The following LAMA4 variants were observed in gnomAD, a reference collection of about 807,000 sequenced individuals.
LAMA4 encodes laminin subunit alpha 4.
In LAMA4, 127 loss-of-function variants were observed where a neutral mutation model predicts 207.1. That is an observed-to-expected ratio of 0.61 (90% CI 0.53 to 0.71). The LOEUF (loss-of-function observed/expected upper bound fraction) is 0.71. Among genes scored for constraint, LAMA4 ranks in the 30% least tolerant of loss-of-function variants. The probability of loss-of-function intolerance (pLI) is 0.00; values close to 1 mark genes in which losing one functional copy is unlikely to be tolerated. For synonymous variants in LAMA4, 761 were observed against 816.0 expected, an observed-to-expected ratio of 0.93 and a Z score of 1.15; for missense variants, 2,093 against 2,246.5, an observed-to-expected ratio of 0.93 and a Z score of 1.38.
chr6:112,155,063 G>A (rs1404576613), intron 15 of LAMA4, 116 bp from the exon 16 acceptor site: 5 of 771,444 alleles, frequency 6.5e-6, no homozygotes, highest in Non-Finnish European at 1.2e-5. Flanking sequence ...AATGCATTTA[G>A]CTTTATTTTC....
In LAMA4 at chr6:112,139,752, C is replaced by T. The variant is rs201939337; in HGVS notation, c.3110G>A (p.Arg1037Gln). ...MDPSTSVPCA[R>Q]DKLAFTQSRA... ...TTTAGTACTCTTAACTGTCTCTTAC[C>T]GGGCACATGGCACTGATGTGGAGGG... is the stretch of plus-strand genomic sequence containing the variant. Residue 1037 changes from arginine (R) to glutamine (Q), a missense_variant and splice_region_variant, in exon 23 of 39, where the codon CGA becomes CAA. Arg to Gln is a conservative substitution (Grantham distance 43). Coordinates refer to ENST00000230538, the MANE Select transcript of LAMA4 (RefSeq NM_001105206.3). 1.2e-4 allele frequency: 192 copies of T among 1,613,636 alleles called. 2 individuals carry two copies. Among genetic ancestry groups the T allele is most frequent in the Middle Eastern group, 1.6e-4 (1 of 6,078 alleles).
intron 2 of LAMA4, among the ~76,000 whole-genome samples, chr6:112,244,244 T>C (rs549047467): frequency 6.6e-6 from 1 of 152,326 alleles, no homozygotes; most frequent in African/African-American, 2.4e-5. Context: ...CTCTGGTCTC[T>C]GTCACTGCTC....
At chr6:112,182,848 G>A (rs781963533) in intron 9 of LAMA4, among the ~76,000 whole-genome samples, 1 of 152,134 alleles carries the variant, frequency 6.6e-6, no homozygotes, top group Admixed American at 6.5e-5. Flanking sequence ...ATCTTGGCAC[G>A]ATCTTTGGAA....
intron 2 of LAMA4, among the ~76,000 whole-genome samples, chr6:112,245,953 C>T (rs947207037): frequency 3.3e-5 from 5 of 152,006 alleles, no homozygotes; most frequent in African/African-American, 1.2e-4. Flanking sequence ...GAAATTTTCC[C>T]ATTACCATTC....
At chr6:112,213,925 A>G (rs1784485124) in intron 3 of LAMA4, 2 of 573,602 alleles carry the variant, frequency 3.5e-6, no homozygotes, top group South Asian at 2.6e-5. Flanking sequence ...AAGTCAGGCA[A>G]CCTGCAAGAA....
At chr6:112,213,084 G>A (rs563754362) in intron 3 of LAMA4, among the ~76,000 whole-genome samples, 1 of 152,280 alleles carries the variant, frequency 6.6e-6, no homozygotes, top group East Asian at 1.9e-4. Flanking sequence ...GTTCATCTGG[G>A]TGAATTAAAT....
At chr6:112,238,379 A>G (rs1244131332) in intron 2 of LAMA4, among the ~76,000 whole-genome samples, 1 of 152,228 alleles carries the variant, frequency 6.6e-6, no homozygotes, top group Non-Finnish European at 1.5e-5. Flanking sequence ...GTGGCAGTAC[A>G]GAGCCTGACA....
At chr6:112,174,786 C>T (rs56227047) in intron 11 of LAMA4, among the ~76,000 whole-genome samples, 22,931 of 152,254 alleles carry the variant, frequency 0.15, 1,940 homozygotes, top group East Asian at 0.29. Context: ...CCACCACGCC[C>T]GGCCTGGGCC....
intron 3 of LAMA4, among the ~76,000 whole-genome samples, chr6:112,214,826 T>A (rs1784537076): frequency 6.6e-6 from 1 of 152,198 alleles, no homozygotes; most frequent in Non-Finnish European, 1.5e-5. Flanking sequence ...CTCTCACCAC[T>A]AGGTCAGAGA....
intron 15 of LAMA4, 126 bp from the exon 16 acceptor site, chr6:112,155,073 C>G: frequency 1.3e-6 from 1 of 744,832 alleles, no homozygotes; most frequent in Non-Finnish European, 2.4e-6. Flanking sequence ...GCTTTATTTT[C>G]ACAGCTTAAA....
rs1337771735 is a variant in LAMA4, at chr6:112,183,502, TA to T, written c.1077+1734del. The stretch of plus-strand genomic sequence containing the variant: ...CTACTGTGATGTTAACTTTCAAGCG[TA>T]CATTATTTCCTCTCCACGAAAGCCT... On this transcript the variant is annotated intron_variant, in intron 9 of 38. Transcript: ENST00000230538. 9.2e-5 allele frequency among the ~76,000 whole-genome samples: 14 copies of T among 152,334 alleles called. No individual in the cohort carries two copies. The East Asian group carries it at 2.5e-3, about 27-fold the overall frequency.
At chr6:112,202,626 T>TA (rs1368775670) in intron 4 of LAMA4, among the ~76,000 whole-genome samples, 1 of 152,190 alleles carries the variant, frequency 6.6e-6, no homozygotes, top group African/African-American at 2.4e-5. Context: ...TGAAGACACT[T>TA]AAAAAATCAG....
chr6:112,126,494 AACT>A (rs1272107770), intron 31 of LAMA4, among the ~76,000 whole-genome samples: 2 of 152,236 alleles, frequency 1.3e-5, no homozygotes, highest in East Asian at 3.8e-4. Flanking sequence ...GATCCTAAGA[AACT>A]ACTAAGTTTT....
chr6:112,134,670 C>T, intron 25 of LAMA4, 61 bp from the exon 26 acceptor site: 1 of 1,329,218 alleles, frequency 7.5e-7, no homozygotes, highest in Non-Finnish European at 1.1e-6. Context: ...TCTTTGATGA[C>T]TTCTATATAT....
rs148864455 is a variant in LAMA4, at chr6:112,242,771, G to A, written c.195+11185C>T. 9.2e-5 allele frequency among the ~76,000 whole-genome samples: 14 copies of A among 152,300 alleles called. No individual in the cohort carries two copies. The East Asian group carries it at 2.3e-3, about 25-fold the overall frequency. The stretch of plus-strand genomic sequence containing the variant: ...TCCTTGAACATATTTGCTTCCACAT[G>A]TTGTGTTCTGCAAGATTCTTCTTTA... On this transcript the variant is annotated intron_variant, in intron 2 of 38. Transcript: ENST00000230538.
At chr6:112,150,670 G>A (rs781968153) in intron 16 of LAMA4, 43 bp from the exon 17 acceptor site, 1 of 1,341,372 alleles carries the variant, frequency 7.5e-7, no homozygotes, top group South Asian at 1.2e-5. Flanking sequence ...GAGCCAAGAT[G>A]CCTCGAAAAG....
intron 38 of LAMA4, among the ~76,000 whole-genome samples, chr6:112,113,067 T>C (rs1583623170): frequency 6.6e-6 from 1 of 152,038 alleles, no homozygotes; most frequent in South Asian, 2.1e-4. Context: ...GATACAAAAA[T>C]ACAGTTAGAT....
chr6:112,186,306 G>A (rs996789000), intron 8 of LAMA4, among the ~76,000 whole-genome samples: 32 of 152,244 alleles, frequency 2.1e-4, no homozygotes, highest in African/African-American at 7.2e-4. Flanking sequence ...ACAGCTAGTG[G>A]GTGTCAGAGC....
At chr6:112,237,011 C>T (rs1329346106) in intron 2 of LAMA4, 2 of 152,118 alleles carry the variant, frequency 1.3e-5, no homozygotes, top group African/African-American at 4.8e-5. Context: ...ACATCTGGTC[C>T]TTCCTATGAA....
Sources: allele counts gnomAD v4.1 joint callset (sites outside exome capture counted in the v4.1 genomes callset), GRCh38; gene constraint gnomAD v4.1.1; transcripts MANE v1.5; gene names NCBI Gene and HGNC (gene_info 2026-07-23, HGNC 2026-07-21).